NEGR1: variants seen among roughly 807,000 people sequenced by gnomAD.
The protein encoded by NEGR1 is IgLON family member 4.
NEGR1 carries 10 observed loss-of-function variants against 40.9 expected under a neutral mutation model. The ratio of observed to expected loss-of-function variants is 0.24; its 90% CI spans 0.15 to 0.42. The LOEUF (loss-of-function observed/expected upper bound fraction) is 0.42. NEGR1 is among the 10% of genes least tolerant of loss of function. The pLI is 1.00. For missense variants in NEGR1, 352 were observed against 438.9 expected (o/e 0.80, Z 1.77); for synonymous variants, 185 against 166.8 (o/e 1.11, Z -0.84).
At chr1:71,554,868 C>T (rs570192449) in intron 6 of NEGR1, among the ~76,000 whole-genome samples, 14 of 151,386 alleles carry the variant, frequency 9.2e-5, no homozygotes, top group Non-Finnish European at 1.6e-4. Flanking sequence ...TTAAAGGGGA[C>T]GCTTTAGAGC....
chr1:72,249,831 C>T (rs1373959993), intron 1 of NEGR1, among the ~76,000 whole-genome samples: 1 of 152,116 alleles, frequency 6.6e-6, no homozygotes, highest in Non-Finnish European at 1.5e-5. Flanking sequence ...ATTCTGATAT[C>T]TTTCTCAACG....
chr1:71,824,368 A>C (rs1658542050), intron 2 of NEGR1, among the ~76,000 whole-genome samples: 1 of 151,706 alleles, frequency 6.6e-6, no homozygotes, highest in Admixed American at 6.6e-5. Context: ...AAAAAAAAAA[A>C]CTGGAGAGTG....
intron 6 of NEGR1, among the ~76,000 whole-genome samples, chr1:71,435,531 GAA>G (rs538482791): frequency 6.9e-6 from 1 of 144,562 alleles, no homozygotes; most frequent in African/African-American, 2.5e-5. Context: ...GCTGTATTCT[GAA>G]AAAAAAAAAG....
At chr1:71,918,239 AAAAAAAAAAAAAAAAAAG>A in intron 2 of NEGR1, among the ~76,000 whole-genome samples, 1 of 143,028 alleles carries the variant, frequency 7.0e-6, no homozygotes, top group Non-Finnish European at 1.5e-5. Context: ...AAAAAAAAAA[AAAAAAAAAAAAAAAAAAG>A]AAGAAGAAGA....
chr1:71,667,945 T>C (rs1652295925), intron 4 of NEGR1, among the ~76,000 whole-genome samples: 1 of 152,222 alleles, frequency 6.6e-6, no homozygotes, highest in South Asian at 2.1e-4. Flanking sequence ...GTATTGTTAA[T>C]ACATATGAAA....
At chr1:71,973,180 G>C (rs1280423826) in intron 1 of NEGR1, among the ~76,000 whole-genome samples, 1 of 152,092 alleles carries the variant, frequency 6.6e-6, no homozygotes, top group Non-Finnish European at 1.5e-5. Flanking sequence ...GCTGGGCGTG[G>C]TGGCGGGCGC....
At position 71,905,321 on chromosome 1, in the gene NEGR1, G is replaced by T. The variant is rs1274218089; in HGVS notation, c.409+29758C>A. Among the ~76,000 whole-genome samples the T allele has an allele frequency of 2.6e-5, 4 of 151,782 alleles. No homozygotes were observed. The East Asian group carries it at 7.7e-4, about 29-fold the overall frequency. ...AAATAAATTAAAAAGTAATTTATTT[G>T]AATTAAATGTGTTTTATTTGAATCT... On this transcript the variant is annotated intron_variant, in intron 2 of 6. Transcript: ENST00000357731.
chr1:71,478,350 C>CT (rs1569922765), intron 6 of NEGR1, among the ~76,000 whole-genome samples: 1 of 152,070 alleles, frequency 6.6e-6, no homozygotes, highest in South Asian at 2.1e-4. Context: ...CACAGACCCG[C>CT]TTTTCCAGCC....
intron 1 of NEGR1, among the ~76,000 whole-genome samples, chr1:71,939,659 T>C (rs1645941299): frequency 6.6e-6 from 1 of 152,052 alleles, no homozygotes; most frequent in Non-Finnish European, 1.5e-5. Context: ...AAGAATTCAG[T>C]GATCAGAAAA....
At chr1:71,734,650 A>G (rs1654990428) in intron 3 of NEGR1, among the ~76,000 whole-genome samples, 1 of 151,916 alleles carries the variant, frequency 6.6e-6, no homozygotes, top group Admixed American at 6.6e-5. Context: ...TTTTCTCCTT[A>G]TTGCCACACT....
intron 1 of NEGR1, among the ~76,000 whole-genome samples, chr1:72,265,373 C>T (rs1467412053): frequency 6.6e-6 from 1 of 150,862 alleles, no homozygotes; most frequent in African/African-American, 2.4e-5. Context: ...TCTTTGAGTA[C>T]ATCAAACTTC....
At chr1:71,712,651 A>T (rs565802623) in intron 3 of NEGR1, among the ~76,000 whole-genome samples, 4 of 152,286 alleles carry the variant, frequency 2.6e-5, no homozygotes, top group African/African-American at 9.6e-5. Flanking sequence ...TTCTTTACCT[A>T]TTTAAAATTT....
intron 1 of NEGR1, among the ~76,000 whole-genome samples, chr1:72,093,103 C>T (rs1648558651): frequency 6.6e-6 from 1 of 152,002 alleles, no homozygotes; most frequent in Non-Finnish European, 1.5e-5. Flanking sequence ...GATACCAAAG[C>T]AGGCAGATCA....
At chr1:71,930,548 C>T (rs1027988633) in intron 2 of NEGR1, among the ~76,000 whole-genome samples, 5 of 152,048 alleles carry the variant, frequency 3.3e-5, no homozygotes, top group Non-Finnish European at 7.4e-5. Flanking sequence ...CTGAATACTC[C>T]TCCATAAGCC....
intron 2 of NEGR1, among the ~76,000 whole-genome samples, chr1:71,820,056 G>A (rs138479472): frequency 1.4e-3 from 215 of 152,142 alleles, no homozygotes; most frequent in African/African-American, 4.7e-3. Flanking sequence ...GGGGCAATGC[G>A]TCATTGTCAG....
At chr1:72,149,228 A>G (rs1412522324) in intron 1 of NEGR1, among the ~76,000 whole-genome samples, 1 of 152,200 alleles carries the variant, frequency 6.6e-6, no homozygotes, top group Non-Finnish European at 1.5e-5. Context: ...TAAACCCATC[A>G]GATATCGTGA....
chr1:71,485,937 T>A (rs1646885069), intron 6 of NEGR1, among the ~76,000 whole-genome samples: 1 of 151,750 alleles, frequency 6.6e-6, no homozygotes, highest in African/African-American at 2.4e-5. Context: ...ATTTTTCAAC[T>A]CCTTAAGGTA....
At chr1:72,122,818 C>A (rs1360721121) in intron 1 of NEGR1, among the ~76,000 whole-genome samples, 1 of 151,880 alleles carries the variant, frequency 6.6e-6, no homozygotes, top group Non-Finnish European at 1.5e-5. Context: ...AATTCCACCA[C>A]CACCCTAACA....
chr1:71,995,214 A>T (rs1646493890), intron 1 of NEGR1, among the ~76,000 whole-genome samples: 1 of 152,132 alleles, frequency 6.6e-6, no homozygotes, highest in Admixed American at 6.5e-5. Flanking sequence ...TGTTGGAAAG[A>T]GTGATCATAG....
Sources: gnomAD v4.1 joint callset for allele counts (sites outside exome capture counted in the v4.1 genomes callset) on GRCh38, gnomAD v4.1.1 for gene constraint, MANE v1.5 for transcripts, NCBI Gene and HGNC (gene_info 2026-07-23, HGNC 2026-07-21) for gene names.